Variants in ROBO1 observed in about 807,000 individuals in gnomAD.
The protein encoded by ROBO1 is roundabout homolog 1.
A neutral mutation model predicts 195.9 loss-of-function variants in ROBO1; 149 were observed. The ratio of observed to expected loss-of-function variants is 0.76; its 90% CI spans 0.67 to 0.87. ROBO1 has a LOEUF of 0.87. Ranked by LOEUF, ROBO1 falls within the 40% of genes least tolerant of loss-of-function variation. The pLI is 0.00. For missense variants in ROBO1, 1,933 were observed against 2,068.3 expected, an observed-to-expected ratio of 0.93 and a Z score of 1.27; for synonymous variants, 816 against 733.2, an observed-to-expected ratio of 1.11 and a Z score of -1.82.
At chr3:78,836,064 C>T (rs2032684045) in intron 4 of ROBO1, among the ~76,000 whole-genome samples, 1 of 152,084 alleles carries the variant, frequency 6.6e-6, no homozygotes, top group Non-Finnish European at 1.5e-5. Flanking sequence ...CAATTGATGT[C>T]TCTTACTCTG....
chr3:79,304,228 GTAAC>G (rs1372853582), intron 2 of ROBO1, among the ~76,000 whole-genome samples: 1 of 152,066 alleles, frequency 6.6e-6, no homozygotes, highest in African/African-American at 2.4e-5. Flanking sequence ...TATCAAATGA[GTAAC>G]TAACTTGGTT....
intron 2 of ROBO1, among the ~76,000 whole-genome samples, chr3:79,577,870 C>A (rs1475981505): frequency 6.6e-6 from 1 of 151,852 alleles, no homozygotes; most frequent in Non-Finnish European, 1.5e-5. Context: ...GGAGAGCGCG[C>A]CACCGCCCTC....
At chr3:78,882,275 G>A (rs563688395) in intron 4 of ROBO1, among the ~76,000 whole-genome samples, 11 of 152,232 alleles carry the variant, frequency 7.2e-5, no homozygotes, top group South Asian at 2.1e-4. Flanking sequence ...TGTAAAAGGC[G>A]TCAAGAAATT....
chr3:79,422,311 G>A (rs962617855), intron 2 of ROBO1, among the ~76,000 whole-genome samples: 7 of 151,618 alleles, frequency 4.6e-5, no homozygotes, highest in African/African-American at 1.7e-4. Context: ...ATATAACTTT[G>A]TCCAATGTGT....
At chr3:79,502,165 G>A (rs2107503810) in intron 2 of ROBO1, among the ~76,000 whole-genome samples, 1 of 152,312 alleles carries the variant, frequency 6.6e-6, no homozygotes, top group East Asian at 1.9e-4. Flanking sequence ...CGCGCTTGAG[G>A]AACCCTTCAG....
At chr3:79,637,292 G>A (rs575587630) in intron 1 of ROBO1, among the ~76,000 whole-genome samples, 1 of 151,390 alleles carries the variant, frequency 6.6e-6, no homozygotes, top group Non-Finnish European at 1.5e-5. Flanking sequence ...GTGCTATCTA[G>A]TAACTGATTT....
intron 1 of ROBO1, among the ~76,000 whole-genome samples, chr3:79,738,492 G>A (rs1703484572): frequency 6.6e-6 from 1 of 152,064 alleles, no homozygotes; most frequent in African/African-American, 2.4e-5. Flanking sequence ...CAGCCCTCCA[G>A]TTAGAAAATA....
Position 79,451,757 on chromosome 3 carries a change from A to C in ROBO1, c.88+138067T>G, listed in dbSNP as rs574406956. On this transcript the variant is annotated intron_variant, in intron 2 of 30. Coordinates refer to ENST00000464233, the MANE Select transcript of ROBO1 (RefSeq NM_002941.4). ...TACAGCATCTCAGACTGACTAAGAC[A>C]GGGTATTAGAGGGAGTACCTATAGG... 5.9e-5 allele frequency among the ~76,000 whole-genome samples: 9 copies of C among 152,224 alleles called. No homozygotes were observed. The East Asian group carries it at 1.7e-3, about 29-fold the overall frequency.
intron 2 of ROBO1, among the ~76,000 whole-genome samples, chr3:79,431,825 T>C (rs2038690654): frequency 6.6e-6 from 1 of 152,118 alleles, no homozygotes; most frequent in Non-Finnish European, 1.5e-5. Context: ...GTCTGAATCC[T>C]TTATAAATGA....
At chr3:78,963,190 C>T (rs2041474684) in intron 3 of ROBO1, among the ~76,000 whole-genome samples, 1 of 151,800 alleles carries the variant, frequency 6.6e-6, no homozygotes, top group Non-Finnish European at 1.5e-5. Context: ...ATCTTATAAT[C>T]TAGGAGTTTG....
intron 1 of ROBO1, among the ~76,000 whole-genome samples, chr3:79,642,220 A>G (rs962595009): frequency 1.6e-4 from 25 of 152,160 alleles, no homozygotes; most frequent in African/African-American, 6.0e-4. Flanking sequence ...ATTTGAAAAT[A>G]CACAGTCAGA....
chr3:78,838,013 T>C (rs1354037237), intron 4 of ROBO1, among the ~76,000 whole-genome samples: 1 of 152,218 alleles, frequency 6.6e-6, no homozygotes, highest in African/African-American at 2.4e-5. Context: ...TTCACTTTTA[T>C]CTTTAAAAAC....
intron 2 of ROBO1, among the ~76,000 whole-genome samples, chr3:79,544,683 C>T (rs1942198116): frequency 6.6e-6 from 1 of 151,736 alleles, no homozygotes; most frequent in African/African-American, 2.4e-5. Context: ...TAAAAGTCTT[C>T]CTAATGAACA....
At chr3:79,730,438 T>C (rs1449515635) in intron 1 of ROBO1, among the ~76,000 whole-genome samples, 2 of 152,206 alleles carry the variant, frequency 1.3e-5, no homozygotes, top group Non-Finnish European at 2.9e-5. Flanking sequence ...TCAAAATTAA[T>C]GTTTACTCAT....
At chr3:78,637,491 C>G (rs918619745) in intron 22 of ROBO1, among the ~76,000 whole-genome samples, 1 of 152,142 alleles carries the variant, frequency 6.6e-6, no homozygotes, top group Non-Finnish European at 1.5e-5. Flanking sequence ...CAGCAGCCAC[C>G]AGTCACACGT....
intron 3 of ROBO1, among the ~76,000 whole-genome samples, chr3:79,119,050 T>C (rs2080066804): frequency 6.6e-6 from 1 of 152,150 alleles, no homozygotes; most frequent in Non-Finnish European, 1.5e-5. Flanking sequence ...ACGGAAAATA[T>C]TATCAAATTA....
chr3:78,938,760 C>A lies in ROBO1; in HGVS notation c.340G>T (p.Asp114Tyr), dbSNP rs1342766014. 6.2e-7 allele frequency: 1 copy of A among 1,613,978 alleles called. No individual in the cohort carries two copies. Among genetic ancestry groups the A allele is most frequent in the Admixed American group, 1.7e-5 (1 of 60,022 alleles). Residue 114 changes from aspartate (D) to tyrosine (Y), a missense_variant, in exon 4 of 31, where the codon GAC becomes TAC. By Grantham distance (160) the Asp-to-Tyr change is radical (BLOSUM62 -3). Transcript: ENST00000464233. The part of the protein sequence containing the change: ...GGERVETDKD[D>Y]PRSHRMLLPS... The stretch of plus-strand genomic sequence containing the variant: ...AGCAACATTCGGTGTGAGCGAGGGT[C>A]ATCTTTGTCTGTCTCCACTCTCTCT...
At chr3:79,053,702 C>A (rs2078748675) in intron 3 of ROBO1, among the ~76,000 whole-genome samples, 1 of 151,638 alleles carries the variant, frequency 6.6e-6, no homozygotes, top group Non-Finnish European at 1.5e-5. Context: ...TCATTCTGCT[C>A]TGACCCCCTC....
intron 3 of ROBO1, among the ~76,000 whole-genome samples, chr3:78,998,771 T>A (rs1257990937): frequency 2.0e-5 from 3 of 152,104 alleles, no homozygotes; most frequent in Admixed American, 2.0e-4. Flanking sequence ...CTCTCCCCTT[T>A]ATTAGTTTAA....
Sources: gnomAD v4.1 joint callset for allele counts (sites outside exome capture counted in the v4.1 genomes callset) on GRCh38, gnomAD v4.1.1 for gene constraint, MANE v1.5 for transcripts, NCBI Gene and HGNC (gene_info 2026-07-23, HGNC 2026-07-21) for gene names.